PAX2: variants seen among roughly 807,000 people sequenced by gnomAD.
PAX2 encodes paired box protein Pax-2.
PAX2 carries 9 observed loss-of-function variants against 41.7 expected under a neutral mutation model. That is an observed-to-expected ratio of 0.22 (90% CI 0.13 to 0.38). The LOEUF (loss-of-function observed/expected upper bound fraction) is 0.38. Ranked by LOEUF, PAX2 falls within the 10% of genes least tolerant of loss-of-function variation. The probability of loss-of-function intolerance (pLI) is 1.00; values close to 1 mark genes in which losing one functional copy is unlikely to be tolerated. For missense variants in PAX2, 418 were observed against 531.6 expected (o/e 0.79, Z 2.10); for synonymous variants, 221 against 212.7 (o/e 1.04, Z -0.34).
At chr10:100,782,724 G>A (rs1846682450) in intron 5 of PAX2, among the ~76,000 whole-genome samples, 3 of 152,268 alleles carry the variant, frequency 2.0e-5, no homozygotes, top group African/African-American at 7.2e-5. Context: ...TGGCCGCCAC[G>A]GCCTTTGCCA....
intron 7 of PAX2, among the ~76,000 whole-genome samples, chr10:100,820,877 G>A (rs1848359936): frequency 6.6e-6 from 1 of 152,188 alleles, no homozygotes; most frequent in East Asian, 1.9e-4. Flanking sequence ...ATCCTCTACT[G>A]CTTTCTGTTG....
intron 7 of PAX2, among the ~76,000 whole-genome samples, chr10:100,822,244 C>A (rs1053236215): frequency 2.0e-5 from 3 of 152,100 alleles, no homozygotes; most frequent in Non-Finnish European, 4.4e-5. Flanking sequence ...CATTCTATTG[C>A]ATAATAAAGT....
intron 3 of PAX2, among the ~76,000 whole-genome samples, chr10:100,757,249 T>A (rs1439500031): frequency 6.6e-6 from 1 of 152,218 alleles, no homozygotes; most frequent in Non-Finnish European, 1.5e-5. Context: ...TCACAGGACA[T>A]GACCTGCAGT....
chr10:100,755,511 A>G (rs181998998), intron 3 of PAX2, among the ~76,000 whole-genome samples: 2 of 152,348 alleles, frequency 1.3e-5, no homozygotes, highest in East Asian at 3.9e-4. Context: ...AATCACATCA[A>G]ATATGAAGAG....
chr10:100,787,749 CTGGGGTTGGG>C (rs1846928091), intron 5 of PAX2, among the ~76,000 whole-genome samples: 2 of 151,864 alleles, frequency 1.3e-5, no homozygotes. Context: ...CGGGCACTGG[CTGGGGTTGGG>C]TGGGGGGCAC....
At position 100,828,125 on chromosome 10, in the gene PAX2, G is replaced by A. The variant is rs534079260; in HGVS notation, c.*506G>A. The A allele has an allele frequency of 3.4e-4, 78 of 230,860 alleles. No individual in the cohort carries two copies. The highest frequency in any genetic ancestry group is 5.9e-4 in the Non-Finnish European group (69 of 116,802). 14.3% of individuals were successfully genotyped at this position (230,860 alleles called of 1,614,324 possible). Reference sequence around the variant, plus strand: ...GGGCCAAGGAGATTAAGAAGAAAACGACTTTCTGCAGGAGGAAGAGCCCGC... The same window carrying A: ...GGGCCAAGGAGATTAAGAAGAAAACAACTTTCTGCAGGAGGAAGAGCCCGC... On this transcript the variant is annotated 3_prime_UTR_variant, in exon 10 of 10. Transcript: ENST00000355243. This position sits in a 1 kb window ranked among gnomAD's most constrained non-coding sequence, Gnocchi z 6.5.
intron 3 of PAX2, among the ~76,000 whole-genome samples, chr10:100,758,727 T>C (rs1367248098): frequency 6.6e-6 from 1 of 152,168 alleles, no homozygotes; most frequent in Non-Finnish European, 1.5e-5. Context: ...GCTGACCGAA[T>C]AAAACTCAAC....
At chr10:100,810,748 G>A (rs535752444) in intron 7 of PAX2, among the ~76,000 whole-genome samples, 1 of 152,334 alleles carries the variant, frequency 6.6e-6, no homozygotes, top group Non-Finnish European at 1.5e-5. Flanking sequence ...TAGTCTAGAA[G>A]GCAAGGGCTT....
chr10:100,800,260 T>C (rs549417065), intron 5 of PAX2, among the ~76,000 whole-genome samples: 1 of 140,918 alleles, frequency 7.1e-6, no homozygotes, highest in South Asian at 2.3e-4. Context: ...TTTATTTTTC[T>C]TTTCTTTTCT....
rs1845368325 is a variant in PAX2, at chr10:100,749,816, G to A, written c.114G>A (p.Arg38=). 2 of 1,611,732 alleles carry A rather than the reference G, an allele frequency of 1.2e-6. No individual in the cohort carries two copies. Among genetic ancestry groups the A allele is most frequent in the African/African-American group, 1.3e-5 (1 of 75,046 alleles). ...GCCGGCCCCTACCCGACGTGGTGAG[G>A]CAGCGCATCGTGGAGCTGGCCCACC... ...VNGRPLPDVV[R]QRIVELAHQG... is the part of the protein sequence containing the mutation. The change falls in exon 2 of 10, where the codon AGG becomes AGA. Residue 38 remains arginine, a synonymous_variant. Coordinates refer to ENST00000355243, the MANE Select transcript of PAX2 (RefSeq NM_000278.5).
intron 3 of PAX2, among the ~76,000 whole-genome samples, chr10:100,766,125 G>A (rs144928695): frequency 2.0e-5 from 3 of 152,346 alleles, no homozygotes; most frequent in Non-Finnish European, 4.4e-5. Flanking sequence ...AGCAGAAGTA[G>A]GATTTGAACC....
Position 100,781,007 on chromosome 10 carries a change from G to C in PAX2, c.497-239G>C, listed in dbSNP as rs185234754. On this transcript the variant is annotated intron_variant, in intron 4 of 9. Transcript: ENST00000355243. ...TCCACAGGTCTGCAGAGAAGGCCTG[G>C]GGTTAAACTGGGCACCACTTACCTC... Among the ~76,000 whole-genome samples the C allele has an allele frequency of 2.2e-5, 3 of 133,608 alleles. No homozygotes were observed. The East Asian group carries it at 5.8e-4, about 26-fold the overall frequency. 87.7% of individuals were successfully genotyped at this position (133,608 alleles called of 152,430 possible). A position where few individuals can be genotyped will look rare whatever the true frequency, so the allele number is the denominator to read the frequency against.
intron 7 of PAX2, among the ~76,000 whole-genome samples, chr10:100,818,382 C>T (rs1479492027): frequency 1.3e-5 from 2 of 152,162 alleles, no homozygotes; most frequent in African/African-American, 4.8e-5. Flanking sequence ...GATGCAACTC[C>T]CTGCTACTTC....
At chr10:100,805,689 CT>C (rs1847755440) in intron 5 of PAX2, among the ~76,000 whole-genome samples, 1 of 152,176 alleles carries the variant, frequency 6.6e-6, no homozygotes, top group African/African-American at 2.4e-5. Flanking sequence ...AAACTGGCTC[CT>C]GTAGGAGGCT....
intron 4 of PAX2, among the ~76,000 whole-genome samples, chr10:100,780,045 C>A (rs1057018528): frequency 1.3e-5 from 2 of 151,960 alleles, no homozygotes; most frequent in African/African-American, 4.8e-5. Context: ...GTCTTCTCCC[C>A]TTGGCTCCTC....
chr10:100,823,030 T>C (rs1356334790), intron 7 of PAX2, among the ~76,000 whole-genome samples: 1 of 152,118 alleles, frequency 6.6e-6, no homozygotes, highest in Non-Finnish European at 1.5e-5. Flanking sequence ...AAAAATATTC[T>C]GTGGCAAAAA....
intron 3 of PAX2, among the ~76,000 whole-genome samples, chr10:100,778,379 G>A (rs966067005): frequency 6.6e-5 from 10 of 152,124 alleles, no homozygotes; most frequent in Non-Finnish European, 1.2e-4. Flanking sequence ...TGATTCCCTC[G>A]GGTAACTGAG....
chr10:100,764,047 A>T (rs1845926581), intron 3 of PAX2, among the ~76,000 whole-genome samples: 1 of 151,224 alleles, frequency 6.6e-6, no homozygotes, highest in South Asian at 2.1e-4. Flanking sequence ...AGTTATTATT[A>T]TTGCAGTAGT....
chr10:100,773,938 C>G (rs781301818), intron 3 of PAX2, among the ~76,000 whole-genome samples: 2 of 152,124 alleles, frequency 1.3e-5, no homozygotes, highest in Non-Finnish European at 2.9e-5. Flanking sequence ...TCCCCCAGCT[C>G]CCAGGAATCA....
Sources: gnomAD v4.1 joint callset for allele counts (sites outside exome capture counted in the v4.1 genomes callset) on GRCh38, gnomAD v4.1.1 for gene constraint, Gnocchi (gnomAD v3.1) non-coding constraint, MANE v1.5 for transcripts, NCBI Gene and HGNC (gene_info 2026-07-23, HGNC 2026-07-21) for gene names.